FARP2: variants seen among roughly 807,000 people sequenced by gnomAD.
FARP2 encodes the protein FERM, ARH/RhoGEF and pleckstrin domain protein 2.
In FARP2, 111 loss-of-function variants were observed where a neutral mutation model predicts 130.5. The ratio of observed to expected loss-of-function variants is 0.85; its 90% CI spans 0.73 to 1.00. The LOEUF (loss-of-function observed/expected upper bound fraction) is 1.00, where lower values mean the gene tolerates loss of function less well. Ranked by LOEUF, FARP2 falls within the 50% of genes least tolerant of loss-of-function variation. The pLI, the probability that FARP2 is intolerant of heterozygous loss-of-function variation, is 0.00. For synonymous variants in FARP2, 504 were observed against 516.9 expected, an observed-to-expected ratio of 0.98 and a Z score of 0.34; for missense variants, 1,385 against 1,346.3, an observed-to-expected ratio of 1.03 and a Z score of -0.45.
At chr2:241,441,995 A>T (rs535200315) in intron 13 of FARP2, 39 of 360,998 alleles carry the variant, frequency 1.1e-4, no homozygotes, top group African/African-American at 8.1e-4. Context: ...GAGGCAGTAG[A>T]TATGAACACA....
chr2:241,409,629 A>G (rs147120721), intron 5 of FARP2, among the ~76,000 whole-genome samples: 1 of 152,364 alleles, frequency 6.6e-6, no homozygotes, highest in African/African-American at 2.4e-5. Context: ...ATAAGTACGT[A>G]TCTTTCAGAT....
chr2:241,381,993 A>G (rs964980173), intron 2 of FARP2, among the ~76,000 whole-genome samples: 1 of 152,176 alleles, frequency 6.6e-6, no homozygotes, highest in Non-Finnish European at 1.5e-5. Flanking sequence ...GAATTCATCC[A>G]AAATGTAATT....
chr2:241,371,814 T>C (rs955368447), intron 1 of FARP2, among the ~76,000 whole-genome samples: 12 of 152,164 alleles, frequency 7.9e-5, no homozygotes, highest in Non-Finnish European at 1.2e-4. Flanking sequence ...ATAAGACATT[T>C]CACAAGGGAA....
rs1252392503 is a variant in FARP2, at chr2:241,402,849, T to TATATATATATATAC, written c.184-966_184-965insCATATATATATATA. On this transcript the variant is annotated intron_variant, in intron 2 of 26. Transcript: ENST00000264042. ...CACCCAGCTAATTTATATATATATA[T>TATATATATATATAC]ATATATATATATATATATATATATA... Among the ~76,000 whole-genome samples the TATATATATATATAC allele has an allele frequency of 3.1e-3, 26 of 8,328 alleles. 3 individuals are homozygous for TATATATATATATAC. In the East Asian group the frequency reaches 0.049, roughly 16 times the overall value. The allele number at this position is 8,328 out of a possible 152,430, so 5.5% of individuals were successfully genotyped here. A position where few individuals can be genotyped will look rare whatever the true frequency, so the allele number is the denominator to read the frequency against.
intron 13 of FARP2, among the ~76,000 whole-genome samples, chr2:241,453,877 G>A (rs375174925): frequency 1.5e-5 from 2 of 136,604 alleles, no homozygotes; most frequent in East Asian, 2.5e-4. Context: ...TCCACCTCCC[G>A]GGTTCAAGCA....
chr2:241,491,316 G>A (rs1167429007), intron 23 of FARP2, 137 bp downstream of exon 23: 5 of 850,770 alleles, frequency 5.9e-6, no homozygotes, highest in African/African-American at 3.4e-5. Context: ...TCCAGGCTAC[G>A]CCTCATGCCT....
chr2:241,436,590 T>G, intron 12 of FARP2, 52 bp downstream of exon 12: 1 of 1,410,238 alleles, frequency 7.1e-7, no homozygotes, highest in Non-Finnish European at 1.0e-6. Context: ...CTGTACTCTT[T>G]TGGAAAATAG....
chr2:241,483,578 T>G (rs774729257), intron 20 of FARP2, 45 bp downstream of exon 20: 2 of 1,560,330 alleles, frequency 1.3e-6, no homozygotes, highest in Non-Finnish European at 8.8e-7. Flanking sequence ...CCGAGGGGGA[T>G]GGGCAGCAGT....
chr2:241,431,191 C>G (rs2063081725), intron 8 of FARP2, among the ~76,000 whole-genome samples: 1 of 152,164 alleles, frequency 6.6e-6, no homozygotes, highest in Non-Finnish European at 1.5e-5. Context: ...TTCTTTTGGT[C>G]AGTTGTTAAG....
intron 2 of FARP2, among the ~76,000 whole-genome samples, chr2:241,391,320 C>T (rs1232204202): frequency 1.3e-5 from 2 of 152,206 alleles, no homozygotes; most frequent in South Asian, 2.1e-4. Context: ...TGGTGTTTGG[C>T]ATACACTGTC....
At chr2:241,394,517 CAAAAA>C (rs10592643) in intron 2 of FARP2, among the ~76,000 whole-genome samples, 1 of 79,844 alleles carries the variant, frequency 1.3e-5, no homozygotes, top group Non-Finnish European at 2.5e-5. Context: ...GACTCCATCT[CAAAAA>C]AAAAAAAAAA....
In FARP2 at chr2:241,369,649, A is replaced by C. The variant is rs2061383237; in HGVS notation, c.-24-3435A>C. Among the ~76,000 whole-genome samples the C allele has an allele frequency of 2.0e-5, 3 of 151,554 alleles. No individual in the cohort carries two copies. In the South Asian group the frequency reaches 6.2e-4, roughly 31 times the overall value. On this transcript the variant is annotated intron_variant, in intron 1 of 26. Coordinates refer to ENST00000264042, the MANE Select transcript of FARP2 (RefSeq NM_014808.4). ...ACTTAAGAAAACATAAATGAGAATT[A>C]TACAGTAGAATAAATAAGAGAAATG...
chr2:241,371,197 G>A (rs1282953368), intron 1 of FARP2, among the ~76,000 whole-genome samples: 2 of 152,168 alleles, frequency 1.3e-5, no homozygotes, highest in Non-Finnish European at 2.9e-5. Context: ...GATTAAAAAG[G>A]TTCTTTTCTA....
chr2:241,464,567 GCAGGGTCCACCCAAAA>G (rs2064119878), intron 17 of FARP2, among the ~76,000 whole-genome samples: 2 of 152,018 alleles, frequency 1.3e-5, no homozygotes, highest in Admixed American at 6.5e-5. Flanking sequence ...TCCCTCCAGA[GCAGGGTCCACCCAAAA>G]CAGGGTCCTC....
chr2:241,468,198 C>G lies in FARP2; in HGVS notation c.1952C>G (p.Thr651Ser), dbSNP rs767310024. 2 of 1,614,160 alleles carry G rather than the reference C, an allele frequency of 1.2e-6. No homozygotes were observed. The highest frequency in any genetic ancestry group is 1.7e-6 in the Non-Finnish European group (2 of 1,180,028). Residue 651 changes from threonine to serine, a missense_variant, in exon 18 of 27, where the codon ACC becomes AGC. Coordinates refer to ENST00000264042, the MANE Select transcript of FARP2 (RefSeq NM_014808.4). ...GTCCTAACAGAACTGGAAAAGGCTA[C>G]CAAACGCTGTAAGAAGTTGGAGGCA... Reference protein sequence around the residue: ...DEVLTELEKATKRCKKLEAVY... With the variant: ...DEVLTELEKASKRCKKLEAVY...
chr2:241,461,257 A>T (rs2064008896), intron 14 of FARP2, among the ~76,000 whole-genome samples: 2 of 152,046 alleles, frequency 1.3e-5, no homozygotes, highest in Non-Finnish European at 2.9e-5. Flanking sequence ...GAATGTGTCC[A>T]GGATCTCACC....
chr2:241,436,455 C>T, intron 11 of FARP2, 26 bp from the exon 12 acceptor site: 9 of 1,613,500 alleles, frequency 5.6e-6, no homozygotes, highest in Non-Finnish European at 7.6e-6. Context: ...GGCTTGGTTT[C>T]TCACAGCTCG....
chr2:241,415,676 G>T (rs1183422489), intron 7 of FARP2, among the ~76,000 whole-genome samples: 1 of 152,190 alleles, frequency 6.6e-6, no homozygotes, highest in Non-Finnish European at 1.5e-5. Context: ...CTGAGTGCAG[G>T]AGGAGGCACC....
intron 2 of FARP2, among the ~76,000 whole-genome samples, chr2:241,390,745 T>A: frequency 6.6e-6 from 1 of 152,308 alleles, no homozygotes; most frequent in Non-Finnish European, 1.5e-5. Flanking sequence ...TAGGATCTTA[T>A]TTTTTTAGAT....
Sources: gnomAD v4.1 joint callset for allele counts (sites outside exome capture counted in the v4.1 genomes callset) on GRCh38, gnomAD v4.1.1 for gene constraint, MANE v1.5 for transcripts, NCBI Gene and HGNC (gene_info 2026-07-23, HGNC 2026-07-21) for gene names.